Variants in BCL2L1 observed in about 807,000 individuals in gnomAD.
BCL2L1 encodes the protein BCL2 like 1, also known as bcl-2-like protein 1.
A neutral mutation model predicts 18.7 loss-of-function variants in BCL2L1; 1 was observed. That is an observed-to-expected ratio of 0.05 (90% confidence interval 0.02 to 0.25). The LOEUF (loss-of-function observed/expected upper bound fraction) is 0.25, where lower values mean the gene tolerates loss of function less well. Among genes scored for constraint, BCL2L1 ranks in the 10% least tolerant of loss-of-function variants. The pLI, the probability that BCL2L1 is intolerant of heterozygous loss-of-function variation, is 1.00. For synonymous variants in BCL2L1, 103 were observed against 122.7 expected, an observed-to-expected ratio of 0.84 and a Z score of 1.06; for missense variants, 207 against 304.9, an observed-to-expected ratio of 0.68 and a Z score of 2.39.
chr20:31,721,865 T>C lies in BCL2L1; in HGVS notation c.354A>G (p.Thr118=). The part of the protein sequence containing the change: ...LTSQLHITPG[T]AYQSFEQVVN... ...CTACCTGTTCAAAGCTCTGATATGC[T>C]GTCCCTGGGGTGATGTGGAGCTGGG... is the stretch of plus-strand genomic sequence containing the variant. Residue 118 remains threonine (T), a synonymous_variant, in exon 2 of 3, where the codon ACA becomes ACG. Transcript: ENST00000307677. 1 of 1,614,224 alleles carries C rather than the reference T, an allele frequency of 6.2e-7. No homozygotes were observed. The highest frequency in any genetic ancestry group is 1.1e-5 in the South Asian group (1 of 91,088).
At chr20:31,716,717 GT>G (rs1275765497) in intron 2 of BCL2L1, 1 of 152,222 alleles carries the variant, frequency 6.6e-6, no homozygotes, top group African/African-American at 2.4e-5. Flanking sequence ...CTAGGACAGA[GT>G]AAATCTGTTA....
chr20:31,690,370 T>A (rs1292254451), intron 2 of BCL2L1, among the ~76,000 whole-genome samples: 1 of 151,952 alleles, frequency 6.6e-6, no homozygotes, highest in Non-Finnish European at 1.5e-5. Flanking sequence ...GGATTACAGG[T>A]GTGAGTCACT....
intron 2 of BCL2L1, among the ~76,000 whole-genome samples, chr20:31,686,782 C>G (rs987268724): frequency 6.6e-6 from 1 of 152,064 alleles, no homozygotes; most frequent in Non-Finnish European, 1.5e-5. Flanking sequence ...ATAATCCAGA[C>G]TTACCTTCCA....
chr20:31,715,224 A>G (rs1189201108), intron 2 of BCL2L1, among the ~76,000 whole-genome samples: 3 of 150,676 alleles, frequency 2.0e-5, no homozygotes, highest in Non-Finnish European at 4.4e-5. Flanking sequence ...GTGAGCAGAG[A>G]TCGTGCCACT....
At chr20:31,684,318 C>A (rs1412816232) in intron 2 of BCL2L1, among the ~76,000 whole-genome samples, 1 of 152,198 alleles carries the variant, frequency 6.6e-6, no homozygotes, top group Non-Finnish European at 1.5e-5. Context: ...GTGTGCCAGG[C>A]TGGGAGAGCC....
chr20:31,721,504 C>T (rs749516099), intron 2 of BCL2L1, 151 bp downstream of exon 2: 28 of 898,478 alleles, frequency 3.1e-5, no homozygotes, highest in Non-Finnish European at 4.3e-5. Context: ...GAGTTAACCT[C>T]TTGTGGTGAA....
intron 2 of BCL2L1, among the ~76,000 whole-genome samples, chr20:31,683,901 T>C (rs1290136509): frequency 6.7e-6 from 1 of 149,088 alleles, no homozygotes; most frequent in African/African-American, 2.5e-5. Context: ...AATAAATAAA[T>C]GCAATGAAAA....
At chr20:31,675,946 C>G (rs529970765) in intron 2 of BCL2L1, among the ~76,000 whole-genome samples, 1 of 152,344 alleles carries the variant, frequency 6.6e-6, no homozygotes, top group African/African-American at 2.4e-5. Flanking sequence ...CCTCCTCCCC[C>G]ACCATTAGTT....
At chr20:31,679,381 C>A (rs1328747141) in intron 2 of BCL2L1, among the ~76,000 whole-genome samples, 1 of 152,060 alleles carries the variant, frequency 6.6e-6, no homozygotes. Flanking sequence ...AAACTGAGGC[C>A]CAGAGGAAGT....
intron 2 of BCL2L1, chr20:31,713,568 G>A: frequency 4.1e-6 from 4 of 985,384 alleles, no homozygotes; most frequent in Non-Finnish European, 4.8e-6. Context: ...GTGTGGCTCA[G>A]AGTTCACTGT....
intron 2 of BCL2L1, among the ~76,000 whole-genome samples, chr20:31,677,834 C>G (rs924190150): frequency 6.6e-6 from 1 of 152,206 alleles, no homozygotes; most frequent in East Asian, 1.9e-4. Context: ...TCACTTCTTC[C>G]CCCATCTGAC....
intron 2 of BCL2L1, among the ~76,000 whole-genome samples, chr20:31,699,479 C>T (rs1163655852): frequency 2.0e-5 from 3 of 152,222 alleles, no homozygotes; most frequent in Non-Finnish European, 4.4e-5. Flanking sequence ...TAACCCCAGG[C>T]TCTGGAGGCA....
At chr20:31,709,320 T>A (rs1356603726) in intron 2 of BCL2L1, among the ~76,000 whole-genome samples, 1 of 152,144 alleles carries the variant, frequency 6.6e-6, no homozygotes, top group East Asian at 1.9e-4. Context: ...CCTGCTCGTG[T>A]GTGTGTGTGC....
Position 31,722,274 on chromosome 20 carries a change from C to T in BCL2L1, c.-56G>A. The T allele has an allele frequency of 4.7e-6, 6 of 1,279,786 alleles. No individual in the cohort carries two copies. The highest frequency in any genetic ancestry group is 6.3e-6 in the Non-Finnish European group (6 of 959,180). The allele number at this position is 1,279,786 out of a possible 1,614,324, so 79.3% of individuals were successfully genotyped here. On this transcript the variant is annotated 5_prime_UTR_variant, in exon 2 of 3. It adds an upstream start codon to the 5' untranslated region. Coordinates refer to ENST00000307677, the MANE Select transcript of BCL2L1 (RefSeq NM_138578.3). ...ATTGTCCAAAACACCTGCTCACTCA[C>T]TGAGTCTCGTCTCTGGTTAGTGATT...
chr20:31,715,350 T>C (rs2061516848), intron 2 of BCL2L1, among the ~76,000 whole-genome samples: 1 of 151,928 alleles, frequency 6.6e-6, no homozygotes, highest in Non-Finnish European at 1.5e-5. Flanking sequence ...GTATGCGATC[T>C]GGCCCCCACC....
intron 2 of BCL2L1, among the ~76,000 whole-genome samples, chr20:31,689,182 A>T (rs1351270655): frequency 7.4e-6 from 1 of 135,624 alleles, no homozygotes; most frequent in Non-Finnish European, 1.6e-5. Context: ...GTTCAGGACT[A>T]GCCTGGGCAA....
chr20:31,674,506 T>A (rs1225103520), intron 2 of BCL2L1, among the ~76,000 whole-genome samples: 4 of 152,120 alleles, frequency 2.6e-5, no homozygotes, highest in Non-Finnish European at 5.9e-5. Flanking sequence ...TGTACTTCTG[T>A]GGCTGAGGAA....
chr20:31,721,383 A>G (rs1384606339), intron 2 of BCL2L1: 1 of 462,810 alleles, frequency 2.2e-6, no homozygotes, highest in African/African-American at 2.0e-5. Context: ...CATAGGCTAC[A>G]GTTTTCTTTG....
At chr20:31,721,438 T>G in intron 2 of BCL2L1, 1 of 565,856 alleles carries the variant, frequency 1.8e-6, no homozygotes, top group Non-Finnish European at 3.0e-6. Context: ...GTCATGGGGG[T>G]GACCAGGGTG....
Sources: gnomAD v4.1 joint callset for allele counts (sites outside exome capture counted in the v4.1 genomes callset) on GRCh38, gnomAD v4.1.1 for gene constraint, MANE v1.5 for transcripts, NCBI Gene and HGNC (gene_info 2026-07-23, HGNC 2026-07-21) for gene names.